Variants in THSD4 observed in about 807,000 individuals in gnomAD.
The protein encoded by THSD4 is thrombospondin type 1 domain containing 4.
Under a neutral mutation model 119.0 loss-of-function variants are expected in THSD4, and 69 were observed. That is an observed-to-expected ratio of 0.58 (90% CI 0.48 to 0.71). The LOEUF (loss-of-function observed/expected upper bound fraction) is 0.71, where lower values mean the gene tolerates loss of function less well. Among genes scored for constraint, THSD4 ranks in the 30% least tolerant of loss-of-function variants. THSD4 has a pLI of 0.00. For missense variants in THSD4, 1,393 were observed against 1,391.1 expected (o/e 1.00, Z -0.02); for synonymous variants, 524 against 540.4 (o/e 0.97, Z 0.42).
intron 6 of THSD4, among the ~76,000 whole-genome samples, chr15:71,286,147 C>T (rs2044715419): frequency 6.6e-6 from 1 of 152,042 alleles, no homozygotes; most frequent in South Asian, 2.1e-4. Flanking sequence ...TATCTGTTAT[C>T]AATTTTATTT....
At chr15:71,217,249 C>A (rs1241676580) in intron 4 of THSD4, among the ~76,000 whole-genome samples, 8 of 152,126 alleles carry the variant, frequency 5.3e-5, no homozygotes. Flanking sequence ...ATTATTATTT[C>A]TGCAATGAAA....
intron 10 of THSD4, among the ~76,000 whole-genome samples, chr15:71,736,487 C>G (rs2053111601): frequency 6.6e-6 from 1 of 151,858 alleles, no homozygotes; most frequent in South Asian, 2.1e-4. Flanking sequence ...CACTCTCTGT[C>G]TCTGTGTCTC....
intron 8 of THSD4, among the ~76,000 whole-genome samples, chr15:71,698,992 A>G (rs2052227140): frequency 1.3e-5 from 2 of 152,154 alleles, no homozygotes; most frequent in Non-Finnish European, 2.9e-5. Flanking sequence ...CTAGAGCTCT[A>G]CGATACAGTA....
intron 5 of THSD4, among the ~76,000 whole-genome samples, chr15:71,255,607 A>G (rs1392283596): frequency 6.6e-6 from 1 of 152,158 alleles, no homozygotes; most frequent in Non-Finnish European, 1.5e-5. Context: ...AGAAGGTCGG[A>G]AATTCCTGCT....
At position 71,365,121 on chromosome 15, in the gene THSD4, GC is replaced by G. The variant is rs200549436; in HGVS notation, c.1016-46558del. On this transcript the variant is annotated intron_variant, in intron 6 of 17. Transcript: ENST00000261862. Reference sequence around the variant, plus strand: ...TGTAGTTCACGAAAATATATCCACTGCCCCCCCCATTGTGTGTGTGTGTGTG... The same window carrying G: ...TGTAGTTCACGAAAATATATCCACTGCCCCCCCATTGTGTGTGTGTGTGTG... Among the ~76,000 whole-genome samples the G allele has an allele frequency of 1.9e-4, 27 of 142,276 alleles. 1 individual carries two copies. Among genetic ancestry groups the G allele is most frequent in the Admixed American group, 4.3e-4 (6 of 14,060 alleles). The allele number at this position is 142,276 out of a possible 152,430, so 93.3% of individuals were successfully genotyped here.
At chr15:71,098,408 T>G (rs2141337584) in intron 1 of THSD4, among the ~76,000 whole-genome samples, 1 of 151,946 alleles carries the variant, frequency 6.6e-6, no homozygotes, top group East Asian at 1.9e-4. Context: ...ATTTTTGTAT[T>G]TTTGTAGAGA....
chr15:71,721,533 G>C (rs1490119501), intron 8 of THSD4, among the ~76,000 whole-genome samples: 3 of 151,350 alleles, frequency 2.0e-5, no homozygotes, highest in Admixed American at 6.6e-5. Flanking sequence ...AGCTGGGTAT[G>C]GTGGCACATG....
chr15:71,142,931 T>C (rs1314543708), intron 2 of THSD4, among the ~76,000 whole-genome samples: 2 of 152,254 alleles, frequency 1.3e-5, no homozygotes, highest in Non-Finnish European at 2.9e-5. Context: ...CACAGGTGGT[T>C]GGCCAACCAG....
intron 1 of THSD4, among the ~76,000 whole-genome samples, chr15:71,138,716 A>G (rs2040573376): frequency 6.6e-6 from 1 of 152,112 alleles, no homozygotes; most frequent in Admixed American, 6.5e-5. Context: ...ACTGCCTCAG[A>G]GGGATCTTCT....
chr15:71,611,175 A>G (rs141135722), intron 7 of THSD4, among the ~76,000 whole-genome samples: 1 of 152,370 alleles, frequency 6.6e-6, no homozygotes, highest in Non-Finnish European at 1.5e-5. Flanking sequence ...TTGTGCAATC[A>G]GTAAGTATGC....
chr15:71,651,230 A>G (rs2051081791), intron 7 of THSD4, among the ~76,000 whole-genome samples: 1 of 152,268 alleles, frequency 6.6e-6, no homozygotes, highest in East Asian at 1.9e-4. Context: ...CCAGTTGGCC[A>G]TTCCTTCAGC....
At chr15:71,375,997 G>A (rs2140443273) in intron 6 of THSD4, among the ~76,000 whole-genome samples, 1 of 152,272 alleles carries the variant, frequency 6.6e-6, no homozygotes, top group Middle Eastern at 3.4e-3. Flanking sequence ...TACCGACTAG[G>A]CCCTACCTGC....
At chr15:71,463,268 T>C (rs867823480) in intron 7 of THSD4, among the ~76,000 whole-genome samples, 8 of 152,218 alleles carry the variant, frequency 5.3e-5, no homozygotes, top group African/African-American at 1.9e-4. Flanking sequence ...TCTGCAGTTT[T>C]GATGAGCATT....
chr15:71,767,580 G>A (rs2053735784), intron 16 of THSD4: 1 of 152,182 alleles, frequency 6.6e-6, no homozygotes, highest in Non-Finnish European at 1.5e-5. Context: ...TCAAACTTAG[G>A]AGAAAGTAGA....
At chr15:71,206,168 C>T (rs1191776173) in intron 3 of THSD4, among the ~76,000 whole-genome samples, 1 of 152,152 alleles carries the variant, frequency 6.6e-6, no homozygotes, top group African/African-American at 2.4e-5. Flanking sequence ...TGCACCACCA[C>T]GCCTGGCTAA....
chr15:71,235,818 T>A (rs975519457), intron 4 of THSD4, among the ~76,000 whole-genome samples: 2 of 152,198 alleles, frequency 1.3e-5, no homozygotes, highest in Non-Finnish European at 2.9e-5. Flanking sequence ...CTGGAACTCC[T>A]GGCCTTAAGT....
chr15:71,757,796 C>G, intron 14 of THSD4, 106 bp from the exon 15 acceptor site: 25 of 1,433,964 alleles, frequency 1.7e-5, no homozygotes, highest in Non-Finnish European at 2.2e-5. Context: ...CTAGGGGAAA[C>G]AGACGGCAGG....
At chr15:71,592,126 C>T (rs546889848) in intron 7 of THSD4, among the ~76,000 whole-genome samples, 1 of 152,328 alleles carries the variant, frequency 6.6e-6, no homozygotes, top group South Asian at 2.1e-4. Flanking sequence ...AATGTTTCCT[C>T]CATATCACAC....
At chr15:71,406,646 GTGTGTGTGTGTGTGT>G (rs2046611837) in intron 6 of THSD4, among the ~76,000 whole-genome samples, 1 of 6,638 alleles carries the variant, frequency 1.5e-4, no homozygotes, top group African/African-American at 4.3e-4. Flanking sequence ...TTTGTTTGGT[GTGTGTGTGTGTGTGT>G]GTGTGTGTGT....
Sources: gnomAD v4.1 joint callset for allele counts (sites outside exome capture counted in the v4.1 genomes callset) on GRCh38, gnomAD v4.1.1 for gene constraint, MANE v1.5 for transcripts, NCBI Gene and HGNC (gene_info 2026-07-23, HGNC 2026-07-21) for gene names.